Variants in PRMT3 observed in about 807,000 individuals in gnomAD.
The protein encoded by PRMT3 is protein arginine methyltransferase 3, also known as protein arginine N-methyltransferase 3.
Under a neutral mutation model 71.9 loss-of-function variants are expected in PRMT3, and 62 were observed. The ratio of observed to expected loss-of-function variants is 0.86; its 90% CI spans 0.70 to 1.07. The LOEUF is 1.07. PRMT3 is among the 50% of genes least tolerant of loss of function. The probability of loss-of-function intolerance (pLI) is 0.00; values close to 1 mark genes in which losing one functional copy is unlikely to be tolerated. For missense variants in PRMT3, 663 were observed against 643.0 expected (o/e 1.03, Z -0.34); for synonymous variants, 213 against 220.4 (o/e 0.97, Z 0.30).
chr11:20,397,064 A>G (rs1455232347), intron 6 of PRMT3, among the ~76,000 whole-genome samples: 3 of 152,134 alleles, frequency 2.0e-5, no homozygotes, highest in African/African-American at 4.8e-5. Flanking sequence ...TCTCCCTTTT[A>G]TATACCTTAT....
intron 3 of PRMT3, among the ~76,000 whole-genome samples, chr11:20,391,115 G>A (rs570443411): frequency 2.7e-5 from 4 of 149,632 alleles, no homozygotes; most frequent in Non-Finnish European, 5.9e-5. Context: ...GGACATTACT[G>A]AAGAATAGCA....
intron 13 of PRMT3, among the ~76,000 whole-genome samples, chr11:20,475,191 G>A (rs1157411143): frequency 6.6e-6 from 1 of 152,124 alleles, no homozygotes; most frequent in African/African-American, 2.4e-5. Context: ...AAAGCAAGGA[G>A]GCTTGAACAA....
At chr11:20,410,625 C>G (rs1334740994) in intron 9 of PRMT3, among the ~76,000 whole-genome samples, 2 of 152,122 alleles carry the variant, frequency 1.3e-5, no homozygotes, top group Admixed American at 1.3e-4. Context: ...TTTCTGCCCA[C>G]ATAATCCTAA....
At chr11:20,507,842 C>T (rs944739725) in intron 15 of PRMT3, among the ~76,000 whole-genome samples, 1 of 151,046 alleles carries the variant, frequency 6.6e-6, no homozygotes, top group African/African-American at 2.4e-5. Context: ...CACAATGGCT[C>T]ATTCCTGTAT....
At chr11:20,505,353 C>T (rs1851565663) in intron 15 of PRMT3, among the ~76,000 whole-genome samples, 1 of 152,118 alleles carries the variant, frequency 6.6e-6, no homozygotes, top group African/African-American at 2.4e-5. Context: ...TTTTGAATCT[C>T]AAGTGTCCAT....
intron 5 of PRMT3, among the ~76,000 whole-genome samples, chr11:20,394,653 C>T (rs7928870): frequency 0.031 from 4,700 of 152,194 alleles, 241 homozygotes; most frequent in African/African-American, 0.11. Context: ...GTATACAGTG[C>T]AGCATTTTTA....
chr11:20,452,594 G>A (rs985183572), intron 11 of PRMT3, among the ~76,000 whole-genome samples: 3 of 151,834 alleles, frequency 2.0e-5, no homozygotes, highest in African/African-American at 4.8e-5. Flanking sequence ...AATTATTCAC[G>A]ACTTCACTAA....
Position 20,508,376 on chromosome 11 carries a change from C to G in PRMT3, c.1559C>G (p.Thr520Arg), listed in dbSNP as rs200201326. 1.2e-6 allele frequency: 2 copies of G among 1,610,008 alleles called. No individual in the cohort carries two copies. The highest frequency in any genetic ancestry group is 1.7e-6 in the Non-Finnish European group (2 of 1,176,498). The change falls in exon 16 of 16, where the codon ACG becomes AGG. Residue 520 changes from threonine to arginine, a missense_variant. Transcript: ENST00000331079. ...KDPRSLTVTLTLNNSTQTYGL... is the reference protein window; with the variant it reads ...KDPRSLTVTLRLNNSTQTYGL... ...CCACGTTCTCTCACCGTGACCCTCA[C>G]GTTGAATAATTCAACTCAAACTTAT...
At chr11:20,473,389 A>G (rs1180422378) in intron 13 of PRMT3, among the ~76,000 whole-genome samples, 1 of 151,724 alleles carries the variant, frequency 6.6e-6, no homozygotes, top group Non-Finnish European at 1.5e-5. Context: ...TTCCCTCTTA[A>G]CACTGCGTTA....
At chr11:20,451,738 A>T (rs551235249) in intron 10 of PRMT3, among the ~76,000 whole-genome samples, 2 of 152,104 alleles carry the variant, frequency 1.3e-5, no homozygotes, top group South Asian at 2.1e-4. Context: ...TTACTCAGAC[A>T]TTGCCACGTG....
At chr11:20,495,177 A>T (rs1020850284) in intron 15 of PRMT3, among the ~76,000 whole-genome samples, 5 of 152,060 alleles carry the variant, frequency 3.3e-5, no homozygotes, top group Non-Finnish European at 7.4e-5. Flanking sequence ...CACCACGCCC[A>T]GCTAATTTTT....
chr11:20,430,102 A>C (rs952848663), intron 10 of PRMT3, among the ~76,000 whole-genome samples: 1 of 152,234 alleles, frequency 6.6e-6, no homozygotes, highest in East Asian at 1.9e-4. Flanking sequence ...CCACATTTTC[A>C]TGAACCAGCA....
chr11:20,416,743 A>G (rs539692509), intron 9 of PRMT3, among the ~76,000 whole-genome samples: 1 of 152,310 alleles, frequency 6.6e-6, no homozygotes, highest in South Asian at 2.1e-4. Context: ...TTTGTAAATA[A>G]AGATGATACA....
intron 3 of PRMT3, among the ~76,000 whole-genome samples, chr11:20,390,954 G>A (rs1282829054): frequency 2.0e-5 from 3 of 152,072 alleles, no homozygotes; most frequent in Non-Finnish European, 2.9e-5. Context: ...GGAGGCTGAG[G>A]CAGGAGAATT....
intron 10 of PRMT3, among the ~76,000 whole-genome samples, chr11:20,448,205 T>G (rs2044215): frequency 0.97 from 147,968 of 152,096 alleles, 72,304 homozygotes; most frequent in Middle Eastern, 1. Context: ...ACCTATGAAT[T>G]TGTTTTAGAT....
chr11:20,496,529 C>G lies in PRMT3; in HGVS notation c.1486+2275C>G, dbSNP rs139597791. Among the ~76,000 whole-genome samples the G allele has an allele frequency of 2.4e-3, 367 of 150,562 alleles. 4 individuals are homozygous for G. The highest frequency in any genetic ancestry group is 3.7e-3 in the Non-Finnish European group (249 of 67,882). ...TAAAACATGTAAGCAACCATACATA[C>G]ACATATCTAATACAAGTATGAAACA... On this transcript the variant is annotated intron_variant, in intron 15 of 15. Coordinates refer to ENST00000331079, the MANE Select transcript of PRMT3 (RefSeq NM_005788.4).
At chr11:20,433,341 T>C (rs992547011) in intron 10 of PRMT3, among the ~76,000 whole-genome samples, 23 of 152,196 alleles carry the variant, frequency 1.5e-4, no homozygotes, top group Non-Finnish European at 3.1e-4. Context: ...TTGCTAAAGA[T>C]AATGGCCTCC....
intron 10 of PRMT3, among the ~76,000 whole-genome samples, chr11:20,444,342 TA>T (rs1263323414): frequency 6.6e-6 from 1 of 152,158 alleles, no homozygotes; most frequent in Non-Finnish European, 1.5e-5. Context: ...GGCACTCTTC[TA>T]GGCGGGATAA....
At chr11:20,472,587 G>A (rs1850672598) in intron 13 of PRMT3, among the ~76,000 whole-genome samples, 1 of 152,014 alleles carries the variant, frequency 6.6e-6, no homozygotes, top group Non-Finnish European at 1.5e-5. Flanking sequence ...ATTTTGTTGA[G>A]GATTTTTGCA....
Sources: gnomAD v4.1 joint callset for allele counts (sites outside exome capture counted in the v4.1 genomes callset) on GRCh38, gnomAD v4.1.1 for gene constraint, MANE v1.5 for transcripts, NCBI Gene and HGNC (gene_info 2026-07-23, HGNC 2026-07-21) for gene names.